Variants in PRKAR2A observed in about 807,000 individuals in gnomAD.
PRKAR2A encodes the protein protein kinase cAMP-dependent type II regulatory subunit alpha, also known as cAMP-dependent protein kinase type II-alpha regulatory subunit.
Under a neutral mutation model 51.9 loss-of-function variants are expected in PRKAR2A, and 29 were observed. The observed-to-expected ratio is 0.56, with a 90% CI of 0.42 to 0.76. The LOEUF (loss-of-function observed/expected upper bound fraction) is 0.76, where lower values mean the gene tolerates loss of function less well. PRKAR2A is among the 30% of genes least tolerant of loss of function. The probability of loss-of-function intolerance (pLI) is 0.00; values close to 1 mark genes in which losing one functional copy is unlikely to be tolerated. For synonymous variants in PRKAR2A, 178 were observed against 186.2 expected (o/e 0.96, Z 0.36); for missense variants, 445 against 512.1 (o/e 0.87, Z 1.26).
intron 2 of PRKAR2A, among the ~76,000 whole-genome samples, chr3:48,803,463 C>T (rs1203367402): frequency 1.3e-5 from 2 of 152,146 alleles, no homozygotes; most frequent in African/African-American, 4.8e-5. Flanking sequence ...TTGCTCTTGT[C>T]ACCCAGGCTG....
intron 3 of PRKAR2A, among the ~76,000 whole-genome samples, chr3:48,791,586 C>T (rs1184222221): frequency 9.4e-6 from 1 of 106,730 alleles, no homozygotes; most frequent in Non-Finnish European, 1.8e-5. Flanking sequence ...GAGCAAGATT[C>T]CGTCTCAAAA....
At chr3:48,833,274 A>T (rs550676959) in intron 1 of PRKAR2A, among the ~76,000 whole-genome samples, 29 of 152,248 alleles carry the variant, frequency 1.9e-4, no homozygotes, top group African/African-American at 6.7e-4. Context: ...TCTTGGGCTC[A>T]AGCAATCCTC....
chr3:48,758,500 T>G (rs1037463650), intron 8 of PRKAR2A, among the ~76,000 whole-genome samples: 1 of 150,400 alleles, frequency 6.6e-6, no homozygotes, highest in Admixed American at 6.6e-5. Context: ...CGAGAATCGC[T>G]TGAACCCAGG....
intron 6 of PRKAR2A, among the ~76,000 whole-genome samples, chr3:48,767,204 C>T (rs1037138991): frequency 5.3e-5 from 8 of 152,300 alleles, no homozygotes; most frequent in Non-Finnish European, 1.0e-4. Flanking sequence ...ATGGGCTGGG[C>T]GCAGTGGCTC....
intron 1 of PRKAR2A, among the ~76,000 whole-genome samples, chr3:48,835,502 G>A (rs1049899119): frequency 6.6e-5 from 10 of 151,920 alleles, no homozygotes; most frequent in Non-Finnish European, 1.3e-4. Context: ...TTAGGCGGGC[G>A]TGGTGGCAGA....
Position 48,765,257 on chromosome 3 carries a change from T to G in PRKAR2A, c.789A>C (p.Lys263Asn). ...ESFIESVPLL[K>N]SLEVSERMKI... ...ATTCAAGCCACTTTACCTCTAGTGA[T>G]TTAAGGAGGGGCACAGACTCAATAA... Residue 263 changes from lysine to asparagine, a missense_variant, in exon 7 of 11, where the codon AAA (lysine) becomes AAC (asparagine). Lys to Asn is a moderately conservative substitution (Grantham distance 94, BLOSUM62 0). Transcript: ENST00000265563. 6.2e-7 allele frequency: 1 copy of G among 1,607,792 alleles called. No individual in the cohort carries two copies. The highest frequency in any genetic ancestry group is 8.5e-7 in the Non-Finnish European group (1 of 1,175,738).
At chr3:48,765,649 C>A (rs1227815231) in intron 6 of PRKAR2A, among the ~76,000 whole-genome samples, 2 of 120,178 alleles carry the variant, frequency 1.7e-5, no homozygotes, top group African/African-American at 3.1e-5. Flanking sequence ...TGTTCAATAT[C>A]AAAAAAGACA....
intron 1 of PRKAR2A, among the ~76,000 whole-genome samples, chr3:48,817,240 T>A (rs557853596): frequency 2.9e-4 from 44 of 151,988 alleles, no homozygotes; most frequent in Non-Finnish European, 5.9e-4. Flanking sequence ...GGCAGGAGAA[T>A]TGCTTGAACC....
intron 6 of PRKAR2A, among the ~76,000 whole-genome samples, chr3:48,770,603 A>T (rs968438935): frequency 2.0e-5 from 3 of 152,124 alleles, no homozygotes; most frequent in Non-Finnish European, 2.9e-5. Context: ...TTAACAGGAG[A>T]AAAGTAGAGG....
At chr3:48,815,831 C>T (rs772353756) in intron 1 of PRKAR2A, among the ~76,000 whole-genome samples, 1 of 151,134 alleles carries the variant, frequency 6.6e-6, no homozygotes, top group Non-Finnish European at 1.5e-5. Flanking sequence ...CCAGCCTGAC[C>T]AACATGGTGA....
At chr3:48,759,845 G>A (rs2081837421) in intron 8 of PRKAR2A, among the ~76,000 whole-genome samples, 1 of 152,148 alleles carries the variant, frequency 6.6e-6, no homozygotes, top group Non-Finnish European at 1.5e-5. Flanking sequence ...TTTCACAACA[G>A]ATAATATAAG....
At position 48,807,651 on chromosome 3, in the gene PRKAR2A, G is replaced by A; in HGVS notation, c.296C>T (p.Ser99Leu). 1 of 1,593,614 alleles carries A rather than the reference G, an allele frequency of 6.3e-7. No homozygotes were observed. The highest frequency in any genetic ancestry group is 8.6e-7 in the Non-Finnish European group (1 of 1,162,486). The change falls in exon 2 of 11, where the codon TCA (serine) becomes TTA (leucine). Residue 99 changes from serine (S) to leucine (L), a missense_variant and splice_region_variant. Physicochemically the swap from Ser to Leu is moderately radical, Grantham distance 145. Coordinates refer to ENST00000265563, the MANE Select transcript of PRKAR2A (RefSeq NM_004157.4). ...ATGTTATGAAATAGAACACATACCT[G>A]ATACTCGTCTATTAAATCTGCTAGG... ...PVPSRFNRRV[S>L]VCAETYNPDE...
At chr3:48,807,377 G>A (rs1475420657) in intron 2 of PRKAR2A, among the ~76,000 whole-genome samples, 1 of 151,998 alleles carries the variant, frequency 6.6e-6, no homozygotes, top group Non-Finnish European at 1.5e-5. Flanking sequence ...AAAGGAATAT[G>A]AAAAATCATT....
At chr3:48,756,592 A>G in intron 8 of PRKAR2A, 148 bp from the exon 9 acceptor site, 1 of 610,536 alleles carries the variant, frequency 1.6e-6, no homozygotes, top group Non-Finnish European at 2.9e-6. Context: ...CAGAGCAGGC[A>G]ATGAGACCTT....
At chr3:48,781,701 C>T (rs1206783314) in intron 5 of PRKAR2A, among the ~76,000 whole-genome samples, 6 of 151,818 alleles carry the variant, frequency 4.0e-5, no homozygotes, top group East Asian at 1.9e-4. Flanking sequence ...TTAGTAGAGA[C>T]GGAGTTTCAC....
chr3:48,778,859 A>G (rs1467771247), intron 5 of PRKAR2A, among the ~76,000 whole-genome samples: 2 of 77,270 alleles, frequency 2.6e-5, no homozygotes, highest in Non-Finnish European at 5.0e-5. Flanking sequence ...GAGTTTCACT[A>G]TTGTTGCCCA....
intron 4 of PRKAR2A, among the ~76,000 whole-genome samples, chr3:48,790,178 C>T (rs1422533133): frequency 6.6e-6 from 1 of 152,074 alleles, no homozygotes; most frequent in Non-Finnish European, 1.5e-5. Context: ...GATTTGCGTT[C>T]TGGGTGGCAG....
intron 1 of PRKAR2A, among the ~76,000 whole-genome samples, chr3:48,842,846 G>T (rs2083401568): frequency 6.6e-6 from 1 of 152,244 alleles, no homozygotes; most frequent in Non-Finnish European, 1.5e-5. Context: ...CTGCATCAAT[G>T]TTCACCAAGG....
intron 5 of PRKAR2A, 107 bp downstream of exon 5, chr3:48,782,879 C>A: frequency 2.6e-6 from 2 of 769,198 alleles, no homozygotes; most frequent in Non-Finnish European, 4.3e-6. Context: ...GCTTGTTCAC[C>A]TGGCCCTTAG....
Sources: gnomAD v4.1 joint callset for allele counts (sites outside exome capture counted in the v4.1 genomes callset) on GRCh38, gnomAD v4.1.1 for gene constraint, MANE v1.5 for transcripts, NCBI Gene and HGNC (gene_info 2026-07-23, HGNC 2026-07-21) for gene names.